Variants in ARFIP1 observed in about 807,000 individuals in gnomAD.
ARFIP1 encodes the protein ARF interacting protein 1.
A neutral mutation model predicts 42.5 loss-of-function variants in ARFIP1; 24 were observed. That is an observed-to-expected ratio of 0.57 (90% CI 0.41 to 0.80). The LOEUF (loss-of-function observed/expected upper bound fraction) is 0.80. Among genes scored for constraint, ARFIP1 ranks in the 30% least tolerant of loss-of-function variants. ARFIP1 has a pLI of 0.00. For missense variants in ARFIP1, 354 were observed against 434.0 expected (o/e 0.82, Z 1.64); for synonymous variants, 141 against 153.7 (o/e 0.92, Z 0.61).
At chr4:152,903,818 T>C (rs1273704018) in intron 8 of ARFIP1, among the ~76,000 whole-genome samples, 2 of 152,134 alleles carry the variant, frequency 1.3e-5, no homozygotes, top group Admixed American at 1.3e-4. Context: ...CAAAAGGAGC[T>C]GTCTCTGTGT....
At chr4:152,792,679 CTCTT>C (rs1358818086) in intron 1 of ARFIP1, among the ~76,000 whole-genome samples, 3 of 152,144 alleles carry the variant, frequency 2.0e-5, no homozygotes, top group African/African-American at 7.2e-5. Context: ...CTCCTGCCCT[CTCTT>C]TCCTGGGTGC....
chr4:152,853,393 G>A (rs6852631), intron 2 of ARFIP1, among the ~76,000 whole-genome samples: 98,895 of 152,044 alleles, frequency 0.65, 32,331 homozygotes, highest in Admixed American at 0.72. Flanking sequence ...TTGCTTATCT[G>A]GGAAAGACTT....
intron 8 of ARFIP1, among the ~76,000 whole-genome samples, chr4:152,889,590 C>T (rs1336617620): frequency 9.2e-6 from 1 of 108,630 alleles, no homozygotes; most frequent in Non-Finnish European, 1.8e-5. Flanking sequence ...TATATATACA[C>T]ATAAATATAT....
intron 1 of ARFIP1, among the ~76,000 whole-genome samples, chr4:152,800,980 G>C (rs561961783): frequency 6.6e-6 from 1 of 152,022 alleles, no homozygotes; most frequent in East Asian, 1.9e-4. Context: ...TGAGAAATAC[G>C]TATGGAGAAG....
At chr4:152,834,120 G>A (rs1731461527) in intron 2 of ARFIP1, among the ~76,000 whole-genome samples, 1 of 152,130 alleles carries the variant, frequency 6.6e-6, no homozygotes, top group South Asian at 2.1e-4. Context: ...ACCAGATCTT[G>A]TGTAAACTAA....
At chr4:152,831,027 C>T (rs1224447127) in intron 2 of ARFIP1, among the ~76,000 whole-genome samples, 1 of 152,070 alleles carries the variant, frequency 6.6e-6, no homozygotes, top group African/African-American at 2.4e-5. Flanking sequence ...CTCATAGAAC[C>T]AAGAGACTTT....
intron 1 of ARFIP1, among the ~76,000 whole-genome samples, chr4:152,804,218 A>C: frequency 8.4e-6 from 1 of 118,968 alleles, no homozygotes; most frequent in Non-Finnish European, 1.6e-5. Flanking sequence ...TATATTATAT[A>C]TAATATAACA....
intron 5 of ARFIP1, among the ~76,000 whole-genome samples, chr4:152,880,623 T>G (rs1455299473): frequency 6.6e-6 from 1 of 152,220 alleles, no homozygotes; most frequent in Non-Finnish European, 1.5e-5. Flanking sequence ...GTGTTCTTAT[T>G]ATTCCTATAT....
chr4:152,854,913 A>G (rs1485516341), intron 2 of ARFIP1, among the ~76,000 whole-genome samples: 1 of 152,214 alleles, frequency 6.6e-6, no homozygotes, highest in African/African-American at 2.4e-5. Context: ...TAATGGGTCC[A>G]GGCGAGTGGA....
At chr4:152,848,710 G>A (rs1578926595) in intron 2 of ARFIP1, among the ~76,000 whole-genome samples, 1 of 152,320 alleles carries the variant, frequency 6.6e-6, no homozygotes, top group South Asian at 2.1e-4. Context: ...TTAGGTCAGA[G>A]ATAGTGTGTA....
At chr4:152,869,528 C>A (rs1039304891) in intron 3 of ARFIP1, among the ~76,000 whole-genome samples, 1 of 151,310 alleles carries the variant, frequency 6.6e-6, no homozygotes, top group Non-Finnish European at 1.5e-5. Context: ...TGGCTGACTG[C>A]GGCCTCCTCC....
At position 152,910,228 on chromosome 4, in the gene ARFIP1, C is replaced by T. The variant is rs761515589; in HGVS notation, c.*9C>T. 8.1e-6 allele frequency: 13 copies of T among 1,604,240 alleles called. No homozygotes were observed. Among genetic ancestry groups the T allele is most frequent in the Non-Finnish European group, 1.1e-5 (13 of 1,176,428 alleles). Reference sequence around the variant, plus strand: ...GGCTTGAAGAACAGTAAAATCACAGCGGAAAATAAAAAGAAAGTCGCGTTG... The same window carrying T: ...GGCTTGAAGAACAGTAAAATCACAGTGGAAAATAAAAAGAAAGTCGCGTTG... On this transcript the variant is annotated 3_prime_UTR_variant, in exon 9 of 9. Coordinates refer to ENST00000353617, the MANE Select transcript of ARFIP1 (RefSeq NM_001025595.3).
chr4:152,859,838 G>T (rs1015672897), intron 2 of ARFIP1, among the ~76,000 whole-genome samples: 2 of 149,826 alleles, frequency 1.3e-5, no homozygotes, highest in Admixed American at 6.7e-5. Context: ...ATTCTATCTA[G>T]TTGCCCTGTT....
chr4:152,804,005 TGTAATATATATATTATATATAATATAAC>T (rs1561107629), intron 1 of ARFIP1, among the ~76,000 whole-genome samples: 21 of 135,992 alleles, frequency 1.5e-4, no homozygotes, highest in Non-Finnish European at 2.6e-4. Flanking sequence ...TAATATAACA[TGTAATATATATATTATATATAATATAAC>T]GTAATATATA....
intron 2 of ARFIP1, among the ~76,000 whole-genome samples, chr4:152,858,243 G>C (rs1733601393): frequency 6.6e-6 from 1 of 152,168 alleles, no homozygotes; most frequent in Non-Finnish European, 1.5e-5. Context: ...AGTGGGCCCA[G>C]ATCACACCAC....
intron 8 of ARFIP1, among the ~76,000 whole-genome samples, chr4:152,906,670 G>A (rs1202800565): frequency 1.3e-5 from 2 of 152,078 alleles, no homozygotes; most frequent in African/African-American, 4.8e-5. Flanking sequence ...TCATTTTTCT[G>A]CTTAGAACCT....
intron 8 of ARFIP1, among the ~76,000 whole-genome samples, chr4:152,891,741 C>T (rs982920411): frequency 1.6e-4 from 25 of 152,200 alleles, no homozygotes; most frequent in African/African-American, 5.8e-4. Context: ...AGGAGTCTCG[C>T]TATGTTGCCC....
Position 152,814,442 on chromosome 4 carries a change from G to C in ARFIP1, c.-9-15183G>C, listed in dbSNP as rs559212639. On this transcript the variant is annotated intron_variant, in intron 1 of 8. Transcript: ENST00000353617. ...AAAATGTTTCAGCTCAGGTGCATTGGTTCATGCCTGTAATCTCAGCACTTT... is the reference window on the plus strand; with the variant it reads ...AAAATGTTTCAGCTCAGGTGCATTGCTTCATGCCTGTAATCTCAGCACTTT... Among the ~76,000 whole-genome samples the C allele has an allele frequency of 7.9e-5, 12 of 152,154 alleles. No individual in the cohort carries two copies. In the South Asian group the frequency reaches 2.3e-3, roughly 29 times the overall value.
chr4:152,882,971 G>A lies in ARFIP1; in HGVS notation c.791+91G>A, dbSNP rs938541607. ...GTTACAAACAACAGAAACCAACTCT[G>A]GCCAATATGGGCAGGAAAAAAATGT... On this transcript the variant is annotated intron_variant, in intron 7 of 8. Coordinates refer to ENST00000353617, the MANE Select transcript of ARFIP1 (RefSeq NM_001025595.3). 2.3e-6 allele frequency: 3 copies of A among 1,321,168 alleles called. No homozygotes were observed. The African/African-American group carries it at 4.6e-5, about 20-fold the overall frequency. The allele number at this position is 1,321,168 out of a possible 1,614,324, so 81.8% of individuals were successfully genotyped here.
Sources: allele counts gnomAD v4.1 joint callset (sites outside exome capture counted in the v4.1 genomes callset), GRCh38; gene constraint gnomAD v4.1.1; transcripts MANE v1.5; gene names NCBI Gene and HGNC (gene_info 2026-07-23, HGNC 2026-07-21).